CNTD1: variants seen among roughly 807,000 people sequenced by gnomAD.
CNTD1 encodes cyclin N-terminal domain containing 1.
CNTD1 carries 17 observed loss-of-function variants against 36.3 expected under a neutral mutation model. The observed-to-expected ratio is 0.47, with a 90% CI of 0.32 to 0.70. The LOEUF is 0.70. CNTD1 is among the 30% of genes least tolerant of loss of function. CNTD1 has a pLI of 0.03. For missense variants in CNTD1, 338 were observed against 386.1 expected (o/e 0.88, Z 1.04); for synonymous variants, 128 against 153.3 (o/e 0.83, Z 1.22).
At position 42,806,791 on chromosome 17, in the gene CNTD1, A is replaced by G. The variant is rs776992019; in HGVS notation, c.698A>G (p.Glu233Gly). Reference sequence around the variant, plus strand: ...GAGAGCCTGTTGAGGGCTTCAATTGAGAACTCCACTCCCAGTCAGCTGCAA... The same window carrying G: ...GAGAGCCTGTTGAGGGCTTCAATTGGGAACTCCACTCCCAGTCAGCTGCAA... ...IYESLLRASI[E>G]NSTPSQLQGE... is the part of the protein sequence containing the mutation. The change falls in exon 5 of 7, where the codon GAG becomes GGG. Residue 233 changes from glutamate (E) to glycine (G), a missense_variant. Transcript: ENST00000588408. 1 of 1,614,174 alleles carries G rather than the reference A, an allele frequency of 6.2e-7. No individual in the cohort carries two copies.
Position 42,799,233 on chromosome 17 carries a change from G to C in CNTD1, c.166G>C (p.Val56Leu). ...GGGCCGCTTCAGGGAGCCCCAGATC[G>C]TGGGTGCGGCTGCAGGGCCGGGGTG... ...RLGRFREPQI[V>L]EFVFLLSEQW... The change falls in exon 1 of 7, where the codon GTG (valine) becomes CTG (leucine). Residue 56 changes from valine (V) to leucine (L), a missense_variant. Physicochemically the swap from Val to Leu is conservative, Grantham distance 32 (BLOSUM62 1). Coordinates refer to ENST00000588408, the MANE Select transcript of CNTD1 (RefSeq NM_173478.3). 3.1e-6 allele frequency: 5 copies of C among 1,613,116 alleles called. No homozygotes were observed. Among genetic ancestry groups the C allele is most frequent in the Non-Finnish European group, 4.2e-6 (5 of 1,179,640 alleles).
At position 42,804,215 on chromosome 17, in the gene CNTD1, T is replaced by A; in HGVS notation, c.246-10T>A. 6.2e-7 allele frequency: 1 copy of A among 1,609,402 alleles called. No homozygotes were observed. Among genetic ancestry groups the A allele is most frequent in the Non-Finnish European group, 8.5e-7 (1 of 1,177,384 alleles). The stretch of plus-strand genomic sequence containing the variant: ...GTGAGGATTGTTTACTCTCCCTCCC[T>A]TCCCTACAGGTTTATGGTAAAACAG... On this transcript the variant is annotated splice_polypyrimidine_tract_variant and intron_variant, in intron 2 of 6. Transcript: ENST00000588408.
At chr17:42,800,333 T>C (rs148934676) in intron 1 of CNTD1, among the ~76,000 whole-genome samples, 8 of 151,848 alleles carry the variant, frequency 5.3e-5, no homozygotes, top group African/African-American at 1.4e-4. Context: ...ATTGGGTTGG[T>C]GAAGGGGGAG....
chr17:42,801,487 C>A (rs1206629552), intron 1 of CNTD1, among the ~76,000 whole-genome samples: 1 of 102,606 alleles, frequency 9.7e-6, no homozygotes. Context: ...CAGAGTGAGA[C>A]CTTGTCTCAA....
chr17:42,808,180 CAGG>C (rs780347223), intron 6 of CNTD1, among the ~76,000 whole-genome samples: 14 of 152,072 alleles, frequency 9.2e-5, no homozygotes, highest in Non-Finnish European at 1.8e-4. Flanking sequence ...GAGGCCAAGG[CAGG>C]AGAACTGTTT....
intron 1 of CNTD1, among the ~76,000 whole-genome samples, chr17:42,799,752 CAA>C (rs780393099): frequency 3.0e-3 from 32 of 10,582 alleles, no homozygotes; most frequent in Admixed American, 8.8e-3. Context: ...AACTCCGTCT[CAA>C]AAAAAAAAAA....
At chr17:42,799,786 C>T (rs1363402031) in intron 1 of CNTD1, among the ~76,000 whole-genome samples, 1 of 97,106 alleles carries the variant, frequency 1.0e-5, no homozygotes, top group African/African-American at 4.8e-5. Flanking sequence ...AAAAAAAAGG[C>T]TGGGCGCGGT....
chr17:42,799,969 G>C (rs947726981), intron 1 of CNTD1, among the ~76,000 whole-genome samples: 2 of 149,904 alleles, frequency 1.3e-5, no homozygotes, highest in Non-Finnish European at 3.0e-5. Context: ...GAGGCTGAGG[G>C]AGGAGAATGG....
At chr17:42,806,552 T>C (rs2144126148) in intron 4 of CNTD1, 122 bp from the exon 5 acceptor site, 2 of 968,502 alleles carry the variant, frequency 2.1e-6, no homozygotes, top group South Asian at 3.0e-5. Flanking sequence ...ACAGGTTTCT[T>C]GTAGTAGAAC....
At position 42,803,696 on chromosome 17, in the gene CNTD1, G is replaced by A. The variant is rs1230891447; in HGVS notation, c.245+1G>A. 1 of 1,612,894 alleles carries A rather than the reference G, an allele frequency of 6.2e-7. No homozygotes were observed. Among genetic ancestry groups the A allele is most frequent in the Non-Finnish European group, 8.5e-7 (1 of 1,178,948 alleles). Reference sequence around the variant, plus strand: ...ACCAGGCTGTAGAAATCCTAGAAAGGTAAAGCCCTGGCATAATGCCTTTTG... The same window carrying A: ...ACCAGGCTGTAGAAATCCTAGAAAGATAAAGCCCTGGCATAATGCCTTTTG... On this transcript the variant is annotated splice_donor_variant, in intron 2 of 6. Transcript: ENST00000588408. LOFTEE classifies it high-confidence loss of function.
chr17:42,808,981 G>A (rs757354788), intron 6 of CNTD1, among the ~76,000 whole-genome samples: 8 of 152,072 alleles, frequency 5.3e-5, no homozygotes, highest in Non-Finnish European at 1.0e-4. Flanking sequence ...CCCAGGAGGT[G>A]GAGGCTGCAG....
chr17:42,810,656 G>T lies in CNTD1; in HGVS notation c.*1121G>T. The stretch of plus-strand genomic sequence containing the variant: ...TGTGGATTTTTTCTTTTTTGGTATT[G>T]TAAACATGTACTGTTTAATATTACC... On this transcript the variant is annotated 3_prime_UTR_variant, in exon 7 of 7. Coordinates refer to ENST00000588408, the MANE Select transcript of CNTD1 (RefSeq NM_173478.3). 8.2e-7 allele frequency: 1 copy of T among 1,221,356 alleles called. No homozygotes were observed. Among genetic ancestry groups the T allele is most frequent in the East Asian group, 2.6e-5 (1 of 38,170 alleles). 75.7% of individuals were successfully genotyped at this position (1,221,356 alleles called of 1,614,324 possible).
chr17:42,807,330 G>C (rs2054896928), intron 5 of CNTD1, among the ~76,000 whole-genome samples: 1 of 152,120 alleles, frequency 6.6e-6, no homozygotes, highest in Non-Finnish European at 1.5e-5. Context: ...CAGGAGAATG[G>C]CGTGAACCCA....
intron 1 of CNTD1, among the ~76,000 whole-genome samples, chr17:42,801,044 G>A (rs1393971182): frequency 6.6e-6 from 1 of 152,048 alleles, no homozygotes; most frequent in Admixed American, 6.6e-5. Context: ...AATTAGCTGG[G>A]CATGGTGGCA....
rs766891225 is a variant in CNTD1 at position 42,804,231 on chromosome 17, G to T, written c.252G>T (p.Met84Ile). 8 of 1,613,450 alleles carry T rather than the reference G, an allele frequency of 5.0e-6. No individual in the cohort carries two copies. The change falls in exon 3 of 7, where the codon ATG becomes ATT. Residue 84 changes from methionine to isoleucine, a missense_variant. Transcript: ENST00000588408. ...YQAVEILERF[M>I]VKQAENICRQ... ...CTCCCTCCCTTCCCTACAGGTTTAT[G>T]GTAAAACAGGCAGAGAACATCTGCA...
chr17:42,800,338 G>A (rs754558738), intron 1 of CNTD1, among the ~76,000 whole-genome samples: 17 of 152,152 alleles, frequency 1.1e-4, no homozygotes, highest in Non-Finnish European at 2.1e-4. Context: ...GTTGGTGAAG[G>A]GGGAGGAAGG....
chr17:42,811,071 GC>G lies in CNTD1; in HGVS notation c.*1537del. The stretch of plus-strand genomic sequence containing the variant: ...AGGAATGATAGTGTATTTTGGATTT[GC>G]TTGAAAGCCAAAAATCAAGAAGACT... On this transcript the variant is annotated 3_prime_UTR_variant, in exon 7 of 7. Transcript: ENST00000588408. 1.1e-6 allele frequency: 1 copy of G among 872,604 alleles called. No homozygotes were observed. Among genetic ancestry groups the G allele is most frequent in the Non-Finnish European group, 1.6e-6 (1 of 611,650 alleles). The allele number at this position is 872,604 out of a possible 1,614,324, so 54.1% of individuals were successfully genotyped here.
Position 42,807,767 on chromosome 17 carries a change from G to A in CNTD1, c.726-1G>A, listed in dbSNP as rs767523815. ...AAATTAATGTGGTTTTAATCACTCA[G>A]GGAAAAGTTTACTTCAGTGAAGGAA... On this transcript the variant is annotated splice_acceptor_variant, in intron 5 of 6. Transcript: ENST00000588408. LOFTEE classifies it high-confidence loss of function. The A allele has an allele frequency of 4.3e-6, 7 of 1,609,730 alleles. No homozygotes were observed. Among genetic ancestry groups the A allele is most frequent in the Admixed American group, 1.7e-5 (1 of 59,978 alleles).
chr17:42,802,875 C>G (rs1367145214), intron 1 of CNTD1, among the ~76,000 whole-genome samples: 1 of 152,206 alleles, frequency 6.6e-6, no homozygotes, highest in Non-Finnish European at 1.5e-5. Context: ...CTATCTGGAG[C>G]TGTTCTTTCA....
Sources: allele counts gnomAD v4.1 joint callset (sites outside exome capture counted in the v4.1 genomes callset), GRCh38; gene constraint gnomAD v4.1.1; transcripts MANE v1.5; gene names NCBI Gene and HGNC (gene_info 2026-07-23, HGNC 2026-07-21).